PRSS23: variants seen among roughly 807,000 people sequenced by gnomAD.
The protein encoded by PRSS23 is serine protease 23, also known as protease, serine 23.
In PRSS23, 25 loss-of-function variants were observed where a neutral mutation model predicts 34.7. The ratio of observed to expected loss-of-function variants is 0.72; its 90% CI spans 0.53 to 1.01. The LOEUF is 1.01. Among genes scored for constraint, PRSS23 ranks in the 50% least tolerant of loss-of-function variants. PRSS23 has a pLI of 0.00. For synonymous variants in PRSS23, 176 were observed against 186.6 expected (o/e 0.94, Z 0.46); for missense variants, 445 against 475.6 (o/e 0.94, Z 0.60).
At position 86,895,002 on chromosome 11, in the gene PRSS23, C is replaced by T. The variant is rs539648248; in HGVS notation, c.207-56214C>T. On this transcript the variant is annotated intron_variant, in intron 2 of 2. Transcript: ENST00000533902. ...AAGAAAGGATCTAGTATTTTTCCTC[C>T]CCTTTCAATAACACAGAGAGTTACC... 1.7e-4 allele frequency among the ~76,000 whole-genome samples: 26 copies of T among 152,250 alleles called. No homozygotes were observed. In the South Asian group the frequency reaches 3.3e-3, roughly 19 times the overall value.
At chr11:86,906,886 C>G (rs748830628) in intron 2 of PRSS23, among the ~76,000 whole-genome samples, 1 of 152,098 alleles carries the variant, frequency 6.6e-6, no homozygotes, top group African/African-American at 2.4e-5. Flanking sequence ...TAAACAGTGC[C>G]TGAACAGCAA....
chr11:86,857,843 G>A, intron 2 of PRSS23: 1 of 566,836 alleles, frequency 1.8e-6, no homozygotes, highest in South Asian at 1.5e-5. Flanking sequence ...AAGTACATGG[G>A]GGTGTGGAAG....
At chr11:86,894,939 A>G (rs1210328948) in intron 2 of PRSS23, among the ~76,000 whole-genome samples, 1 of 152,034 alleles carries the variant, frequency 6.6e-6, no homozygotes, top group African/African-American at 2.4e-5. Context: ...TTCAGTTATT[A>G]CCTTCCTCTC....
chr11:86,800,513 A>G, upstream of PRSS23: 1 of 984,374 alleles, frequency 1.0e-6, no homozygotes, highest in South Asian at 4.7e-5. Flanking sequence ...CGGACCCGCC[A>G]GCTGCCTGCG....
At chr11:86,943,588 C>T (rs1949220357) in intron 2 of PRSS23, among the ~76,000 whole-genome samples, 2 of 151,724 alleles carry the variant, frequency 1.3e-5, no homozygotes. Context: ...CAAGTCATTG[C>T]ACTCCAGCCT....
intron 2 of PRSS23, among the ~76,000 whole-genome samples, chr11:86,842,741 A>G (rs1476778758): frequency 3.3e-5 from 5 of 152,234 alleles, no homozygotes; most frequent in Non-Finnish European, 5.9e-5. Flanking sequence ...TTCAAGGAGA[A>G]CAACAAATCA....
chr11:86,920,691 C>A (rs1949042457), intron 2 of PRSS23, among the ~76,000 whole-genome samples: 2 of 152,014 alleles, frequency 1.3e-5, no homozygotes, highest in Admixed American at 1.3e-4. Context: ...AAACACAAAA[C>A]CCTACTGACT....
intron 2 of PRSS23, among the ~76,000 whole-genome samples, chr11:86,880,745 A>C (rs1309299102): frequency 1.3e-5 from 2 of 152,088 alleles, no homozygotes; most frequent in Non-Finnish European, 2.9e-5. Context: ...AACATGCAGC[A>C]TTTGGTTTTC....
At chr11:86,801,620 A>C (rs1948039476) in intron 1 of PRSS23, among the ~76,000 whole-genome samples, 1 of 152,222 alleles carries the variant, frequency 6.6e-6, no homozygotes, top group Non-Finnish European at 1.5e-5. Flanking sequence ...AATTGAATTT[A>C]TAGATGAGGT....
Position 86,808,834 on chromosome 11 carries a change from G to A in PRSS23, c.*39G>A, listed in dbSNP as rs757893709. On this transcript the variant is annotated 3_prime_UTR_variant, in exon 2 of 2. Transcript: ENST00000280258. ...CCTGGCAGCAATTAAGGGTCTTCAT[G>A]TTCTTATTTTAGGAGAGGCCAAATT... The A allele has an allele frequency of 4.5e-6, 7 of 1,542,132 alleles. No individual in the cohort carries two copies. Among genetic ancestry groups the A allele is most frequent in the Non-Finnish European group, 6.1e-6 (7 of 1,139,722 alleles).
chr11:86,795,427 C>A (rs1329348751), intron 1 of PRSS23, among the ~76,000 whole-genome samples: 3 of 152,308 alleles, frequency 2.0e-5, no homozygotes, highest in Non-Finnish European at 4.4e-5. Context: ...TAAATGAATT[C>A]TAAGTTGAAT....
At position 86,831,301 on chromosome 11, in the gene PRSS23, G is replaced by A. The variant is rs542877172; in HGVS notation, c.206+7708G>A. Among the ~76,000 whole-genome samples the A allele has an allele frequency of 5.3e-5, 8 of 152,036 alleles. 1 individual carries two copies. Among genetic ancestry groups the A allele is most frequent in the African/African-American group, 1.4e-4 (6 of 41,468 alleles). ...ATCCTAAGGGAATATTACTCCTAAT[G>A]TCATAGCGGGTTTACACCTTTTTGT... On this transcript the variant is annotated intron_variant, in intron 2 of 2. Transcript: ENST00000533902.
intron 2 of PRSS23, among the ~76,000 whole-genome samples, chr11:86,829,505 G>A (rs768307353): frequency 1.3e-5 from 2 of 152,182 alleles, no homozygotes; most frequent in South Asian, 2.1e-4. Flanking sequence ...GTCATTCTCT[G>A]TCCAGCTTTG....
At chr11:86,951,353 G>A in exon 3 of PRSS23, 1 of 1,613,820 alleles carries the variant, frequency 6.2e-7, no homozygotes, top group East Asian at 2.2e-5. Flanking sequence ...ATCATCTGCA[G>A]AATACCGAAA....
At chr11:86,898,894 T>A (rs541175445) in intron 2 of PRSS23, among the ~76,000 whole-genome samples, 2 of 152,246 alleles carry the variant, frequency 1.3e-5, no homozygotes, top group South Asian at 4.2e-4. Flanking sequence ...CTATGTTAAT[T>A]TGTTTGTGGC....
At chr11:86,943,111 T>C (rs7106960) in intron 2 of PRSS23, among the ~76,000 whole-genome samples, 2,399 of 152,304 alleles carry the variant, frequency 0.016, 26 homozygotes, top group South Asian at 0.027. Flanking sequence ...AGAGCTCCCA[T>C]TGGGGGAAGG....
At chr11:86,906,299 C>T (rs955463466) in intron 2 of PRSS23, among the ~76,000 whole-genome samples, 1 of 152,240 alleles carries the variant, frequency 6.6e-6, no homozygotes, top group Admixed American at 6.5e-5. Context: ...TTGTTTTCAT[C>T]GAAACCCTAA....
In PRSS23 at chr11:86,808,882, ACGTG is replaced by A; in HGVS notation, c.*88_*91del. ...ATTGTTTTTTGTCATTGGCGTGCAC[ACGTG>A]TGTGTGTGTGTGTGTGTGTGTGTAA... is the stretch of plus-strand genomic sequence containing the variant. On this transcript the variant is annotated 3_prime_UTR_variant, in exon 2 of 2. Coordinates refer to ENST00000280258, the MANE Select transcript of PRSS23 (RefSeq NM_007173.6). The A allele has an allele frequency of 9.6e-7, 1 of 1,038,688 alleles. No individual in the cohort carries two copies. The allele number at this position is 1,038,688 out of a possible 1,614,324, so 64.3% of individuals were successfully genotyped here.
At chr11:86,883,448 A>G (rs1269514020) in intron 2 of PRSS23, among the ~76,000 whole-genome samples, 1 of 152,238 alleles carries the variant, frequency 6.6e-6, no homozygotes, top group South Asian at 2.1e-4. Context: ...CATATGCAGA[A>G]AATTGAAACT....
Sources: allele counts gnomAD v4.1 joint callset (sites outside exome capture counted in the v4.1 genomes callset), GRCh38; gene constraint gnomAD v4.1.1; transcripts MANE v1.5; gene names NCBI Gene and HGNC (gene_info 2026-07-23, HGNC 2026-07-21).